RBFOX1: variants seen among roughly 807,000 people sequenced by gnomAD.
RBFOX1 encodes RNA binding protein fox-1 homolog 1.
RBFOX1 carries 8 observed loss-of-function variants against 57.7 expected under a neutral mutation model. That is an observed-to-expected ratio of 0.14 (90% CI 0.08 to 0.25). The LOEUF (loss-of-function observed/expected upper bound fraction) is 0.25. Among genes scored for constraint, RBFOX1 ranks in the 10% least tolerant of loss-of-function variants. The pLI, the probability that RBFOX1 is intolerant of heterozygous loss-of-function variation, is 1.00. For synonymous variants in RBFOX1, 326 were observed against 222.4 expected (o/e 1.47, Z -4.15); for missense variants, 611 against 548.5 (o/e 1.11, Z -1.14).
chr16:6,512,136 T>C (rs928020160), intron 2 of RBFOX1, among the ~76,000 whole-genome samples: 5 of 150,658 alleles, frequency 3.3e-5, no homozygotes, highest in Non-Finnish European at 7.4e-5. Context: ...AAAAAGGAAT[T>C]CGCCAGGCAT....
intron 4 of RBFOX1, among the ~76,000 whole-genome samples, chr16:5,915,818 C>CGA (rs1425598925): frequency 1.3e-5 from 2 of 150,968 alleles, no homozygotes; most frequent in Admixed American, 1.3e-4. Context: ...GGTGACAGGG[C>CGA]GAGACTCAGT....
chr16:7,003,160 G>A (rs1001922838), intron 3 of RBFOX1, among the ~76,000 whole-genome samples: 11 of 152,132 alleles, frequency 7.2e-5, no homozygotes, highest in South Asian at 2.1e-4. Context: ...TAGACAGATC[G>A]TTTAAAAAGG....
At chr16:7,185,705 T>G (rs2083585249) in intron 4 of RBFOX1, among the ~76,000 whole-genome samples, 1 of 152,226 alleles carries the variant, frequency 6.6e-6, no homozygotes, top group Admixed American at 6.5e-5. Flanking sequence ...CACTCTTTTT[T>G]GCTACCACTG....
chr16:5,990,433 C>G (rs1382675829), intron 4 of RBFOX1, among the ~76,000 whole-genome samples: 5 of 152,200 alleles, frequency 3.3e-5, no homozygotes, highest in Admixed American at 3.3e-4. Flanking sequence ...CAAACTTATT[C>G]ACATTCGAGG....
chr16:7,655,458 A>G (rs966394057), intron 12 of RBFOX1, among the ~76,000 whole-genome samples: 1 of 152,228 alleles, frequency 6.6e-6, no homozygotes, highest in African/African-American at 2.4e-5. Context: ...ATGCCTGTCA[A>G]ATGTATTTGT....
At chr16:7,480,200 G>A in intron 4 of RBFOX1, among the ~76,000 whole-genome samples, 1 of 152,310 alleles carries the variant, frequency 6.6e-6, no homozygotes, top group African/African-American at 2.4e-5. Flanking sequence ...TTTGGGTGAG[G>A]GGATGTTCGT....
intron 14 of RBFOX1, among the ~76,000 whole-genome samples, chr16:7,686,373 C>T (rs1158697881): frequency 2.0e-5 from 3 of 152,036 alleles, no homozygotes; most frequent in Non-Finnish European, 2.9e-5. Context: ...CAACCTGTGC[C>T]TTGGATATTT....
intron 1 of RBFOX1, among the ~76,000 whole-genome samples, chr16:6,140,007 T>C (rs892350028): frequency 1.3e-5 from 2 of 152,106 alleles, no homozygotes; most frequent in Non-Finnish European, 2.9e-5. Flanking sequence ...ATACGGAATA[T>C]TGTGTTAATT....
chr16:7,383,472 G>C (rs2097820822), intron 4 of RBFOX1, among the ~76,000 whole-genome samples: 1 of 152,046 alleles, frequency 6.6e-6, no homozygotes, highest in African/African-American at 2.4e-5. Flanking sequence ...TTTTAGGCTA[G>C]CCAGGGCCAA....
At chr16:6,322,875 T>C (rs1567935334) in intron 2 of RBFOX1, among the ~76,000 whole-genome samples, 1 of 152,124 alleles carries the variant, frequency 6.6e-6, no homozygotes, top group Non-Finnish European at 1.5e-5. Context: ...GAGTCTGTGG[T>C]CTGGAAGGAC....
At chr16:7,135,937 A>ATTTCATC (rs1296301501) in intron 4 of RBFOX1, among the ~76,000 whole-genome samples, 1 of 152,192 alleles carries the variant, frequency 6.6e-6, no homozygotes, top group African/African-American at 2.4e-5. Flanking sequence ...TGGAGTTGCC[A>ATTTCATC]TTTCATCGGA....
At chr16:7,624,391 T>C (rs893057567) in intron 10 of RBFOX1, among the ~76,000 whole-genome samples, 1 of 152,236 alleles carries the variant, frequency 6.6e-6, no homozygotes, top group Admixed American at 6.5e-5. Context: ...GTGTGACTAA[T>C]TATGTAGGCT....
chr16:5,970,077 G>T (rs529597552), intron 4 of RBFOX1, among the ~76,000 whole-genome samples: 3 of 152,072 alleles, frequency 2.0e-5, no homozygotes, highest in African/African-American at 7.2e-5. Context: ...ACTGCCTCTT[G>T]GTCACGATGG....
At chr16:5,268,071 T>G (rs1177428897) in intron 1 of RBFOX1, among the ~76,000 whole-genome samples, 1 of 151,014 alleles carries the variant, frequency 6.6e-6, no homozygotes, top group Non-Finnish European at 1.5e-5. Flanking sequence ...AGAGCGAGAT[T>G]CCATGTCAAA....
At chr16:7,322,093 A>G (rs892268029) in intron 4 of RBFOX1, among the ~76,000 whole-genome samples, 4 of 152,180 alleles carry the variant, frequency 2.6e-5, no homozygotes, top group African/African-American at 9.7e-5. Context: ...GTTCCCAGTG[A>G]TGGCTAATAC....
chr16:7,225,717 A>G (rs956908314), intron 4 of RBFOX1, among the ~76,000 whole-genome samples: 3 of 127,334 alleles, frequency 2.4e-5, no homozygotes, highest in African/African-American at 9.3e-5. Context: ...CAAAAGTAGA[A>G]TATATTGTAC....
intron 3 of RBFOX1, among the ~76,000 whole-genome samples, chr16:5,666,885 G>A (rs1393764754): frequency 6.6e-6 from 1 of 152,184 alleles, no homozygotes; most frequent in African/African-American, 2.4e-5. Context: ...TGCTCAGTTT[G>A]CATGTATTAA....
chr16:5,577,258 G>A (rs999334844), intron 2 of RBFOX1, among the ~76,000 whole-genome samples: 8 of 152,354 alleles, frequency 5.3e-5, no homozygotes, highest in African/African-American at 1.9e-4. Context: ...CTCCGGGTCT[G>A]TTGAGGCTCC....
At chr16:7,695,307 C>A (rs558879027) in intron 14 of RBFOX1, among the ~76,000 whole-genome samples, 1 of 152,028 alleles carries the variant, frequency 6.6e-6, no homozygotes, top group South Asian at 2.1e-4. Context: ...GCTCATAGAG[C>A]GAAAATGAAA....
Sources: gnomAD v4.1 joint callset for allele counts (sites outside exome capture counted in the v4.1 genomes callset) on GRCh38, gnomAD v4.1.1 for gene constraint, MANE v1.5 for transcripts, NCBI Gene and HGNC (gene_info 2026-07-23, HGNC 2026-07-21) for gene names.